Variants in STK35 observed in about 807,000 individuals in gnomAD.
The protein encoded by STK35 is serine/threonine kinase 35.
Under a neutral mutation model 37.3 loss-of-function variants are expected in STK35, and 17 were observed. The observed-to-expected ratio is 0.46, with a 90% CI of 0.31 to 0.68. STK35 has a LOEUF of 0.68. Ranked by LOEUF, STK35 falls within the 30% of genes least tolerant of loss-of-function variation. The pLI is 0.05. For synonymous variants in STK35, 385 were observed against 319.1 expected (o/e 1.21, Z -2.20); for missense variants, 595 against 746.7 (o/e 0.80, Z 2.37).
chr20:2,105,923 C>T (rs901209987), intron 2 of STK35, among the ~76,000 whole-genome samples: 1 of 152,148 alleles, frequency 6.6e-6, no homozygotes, highest in African/African-American at 2.4e-5. Flanking sequence ...TGCTTTAGGC[C>T]GTACACTGGA....
In STK35 at chr20:2,141,410, C is replaced by T. The variant is rs917307044; in HGVS notation, c.*38-2374C>T. 7.2e-5 allele frequency among the ~76,000 whole-genome samples: 11 copies of T among 152,068 alleles called. No homozygotes were observed. In the East Asian group the frequency reaches 1.7e-3, roughly 24 times the overall value. On this transcript the variant is annotated intron_variant, in intron 3 of 3. Transcript: ENST00000381482. ...AGCCACACCCACTTTCTTGGTCACCCGCTCCCTGGGCAGTAGAGCAGGGAG... is the reference window on the plus strand; with the variant it reads ...AGCCACACCCACTTTCTTGGTCACCTGCTCCCTGGGCAGTAGAGCAGGGAG...
chr20:2,134,872 CAG>C (rs1249852701), intron 3 of STK35, among the ~76,000 whole-genome samples: 11 of 152,030 alleles, frequency 7.2e-5, no homozygotes, highest in Admixed American at 7.2e-4. Flanking sequence ...GCCTGGGCAA[CAG>C]AGTGAGACTC....
Position 2,117,511 on chromosome 20 carries a change from C to G in STK35, c.*37+96C>G. Reference sequence around the variant, plus strand: ...GGTGCAGCGGGTGCAGTGGCAGGATCTCAGCTCACTGCAACCTCCACCTCC... The same window carrying G: ...GGTGCAGCGGGTGCAGTGGCAGGATGTCAGCTCACTGCAACCTCCACCTCC... On this transcript the variant is annotated intron_variant, in intron 3 of 3. Coordinates refer to ENST00000381482, the MANE Select transcript of STK35 (RefSeq NM_080836.4). This position sits in a 1 kb window ranked among gnomAD's most constrained non-coding sequence, Gnocchi z 4.4. The G allele has an allele frequency of 1.5e-6, 1 of 652,128 alleles. No individual in the cohort carries two copies. Among genetic ancestry groups the G allele is most frequent in the Non-Finnish European group, 2.5e-6 (1 of 394,464 alleles). 40.4% of individuals were successfully genotyped at this position (652,128 alleles called of 1,614,324 possible). A position where few individuals can be genotyped will look rare whatever the true frequency, so the allele number is the denominator to read the frequency against.
chr20:2,117,077 C>T lies in STK35; in HGVS notation c.1304C>T (p.Ala435Val), dbSNP rs553981514. The change falls in exon 3 of 4, where the codon GCG becomes GTG. Residue 435 changes from alanine (A) to valine (V), a missense_variant. Ala to Val is a moderately conservative substitution (Grantham distance 64). Coordinates refer to ENST00000381482, the MANE Select transcript of STK35 (RefSeq NM_080836.4). The surrounding 1 kb of genome is among the most constrained non-coding windows in gnomAD (Gnocchi z 4.4). ...TGGGAGGGACACTACACAGCCAAGGCGGACATCTTTGCCCTGGGCATTATC... is the reference window on the plus strand; with the variant it reads ...TGGGAGGGACACTACACAGCCAAGGTGGACATCTTTGCCCTGGGCATTATC... Reference protein sequence around the residue: ...EVWEGHYTAKADIFALGIIIW... With the variant: ...EVWEGHYTAKVDIFALGIIIW... The T allele has an allele frequency of 6.8e-6, 11 of 1,614,014 alleles. No homozygotes were observed. Among genetic ancestry groups the T allele is most frequent in the East Asian group, 2.2e-5 (1 of 44,864 alleles).
chr20:2,114,228 G>C (rs964901148), intron 2 of STK35, among the ~76,000 whole-genome samples: 1 of 152,048 alleles, frequency 6.6e-6, no homozygotes, highest in African/African-American at 2.4e-5. Flanking sequence ...AGAAGTCCAG[G>C]GGCCTTTCCT....
At chr20:2,134,405 T>C (rs1190527313) in intron 3 of STK35, among the ~76,000 whole-genome samples, 1 of 152,158 alleles carries the variant, frequency 6.6e-6, no homozygotes, top group Non-Finnish European at 1.5e-5. Flanking sequence ...TTTGGCCTGA[T>C]TTCCCTCAGC....
chr20:2,116,967 C>T lies in STK35; in HGVS notation c.1194C>T (p.Gly398=), dbSNP rs549465414. 7 of 1,614,158 alleles carry T rather than the reference C, an allele frequency of 4.3e-6. No individual in the cohort carries two copies. In the East Asian group the frequency reaches 1.6e-4, roughly 36 times the overall value. Residue 398 remains glycine, a synonymous_variant, in exon 3 of 4, where the codon GGC becomes GGT. Transcript: ENST00000381482. The part of the protein sequence containing the change: ...CAGLAPRGKE[G]NQDNKNVNVN... ...GGCTGGCACCCCGAGGCAAAGAGGGCAATCAAGACAACAAAAATGTGAATG... is the reference window on the plus strand; with the variant it reads ...GGCTGGCACCCCGAGGCAAAGAGGGTAATCAAGACAACAAAAATGTGAATG...
Position 2,146,382 on chromosome 20 carries a change from G to C in STK35, c.*2636G>C, listed in dbSNP as rs1051787337. Reference sequence around the variant, plus strand: ...GCTGCCAGCAGCTCTCTGGTGCATCGTCTCAACACCACCAAGTTTGTAGGA... The same window carrying C: ...GCTGCCAGCAGCTCTCTGGTGCATCCTCTCAACACCACCAAGTTTGTAGGA... On this transcript the variant is annotated 3_prime_UTR_variant, in exon 4 of 4. Transcript: ENST00000381482. 1 of 153,084 alleles carries C rather than the reference G, an allele frequency of 6.5e-6. No individual in the cohort carries two copies. The highest frequency in any genetic ancestry group is 1.5e-5 in the Non-Finnish European group (1 of 68,446). The allele number at this position is 153,084 out of a possible 1,614,324, so 9.5% of individuals were successfully genotyped here. A position where few individuals can be genotyped will look rare whatever the true frequency, so the allele number is the denominator to read the frequency against.
In STK35 at chr20:2,146,058, G is replaced by A. The variant is rs778789163; in HGVS notation, c.*2312G>A. On this transcript the variant is annotated 3_prime_UTR_variant, in exon 4 of 4. Transcript: ENST00000381482. ...ACAGGTGGGCAGCCTGGTAGGGGTC[G>A]CCAGCCTCCATGCCCCCTCATCTTC... 2.0e-5 allele frequency: 3 copies of A among 152,192 alleles called. No individual in the cohort carries two copies. Among genetic ancestry groups the A allele is most frequent in the Non-Finnish European group, 2.9e-5 (2 of 68,062 alleles). 9.4% of individuals were successfully genotyped at this position (152,192 alleles called of 1,614,324 possible).
In STK35 at chr20:2,110,001, A is replaced by C. The variant is rs569210424; in HGVS notation, c.892+6636A>C. Among the ~76,000 whole-genome samples the C allele has an allele frequency of 5.0e-4, 76 of 152,360 alleles. No individual in the cohort carries two copies. In the Middle Eastern group the frequency reaches 0.01, roughly 20 times the overall value. On this transcript the variant is annotated intron_variant, in intron 2 of 3. Transcript: ENST00000381482. The stretch of plus-strand genomic sequence containing the variant: ...CCAACAGAACAAGTCTGTTAATCTT[A>C]GGAAGTACTTTGGACACACCCTGTG...
intron 3 of STK35, among the ~76,000 whole-genome samples, chr20:2,123,219 A>C (rs1375729407): frequency 6.6e-6 from 1 of 152,206 alleles, no homozygotes; most frequent in African/African-American, 2.4e-5. Flanking sequence ...CTGCTGAAGG[A>C]AATCAGATGT....
intron 2 of STK35, among the ~76,000 whole-genome samples, chr20:2,112,081 T>A (rs575307612): frequency 6.6e-6 from 1 of 152,230 alleles, no homozygotes; most frequent in African/African-American, 2.4e-5. Flanking sequence ...TCAAGAGCAA[T>A]GTGTGCTCAG....
At chr20:2,131,488 T>A (rs1048273911) in intron 3 of STK35, among the ~76,000 whole-genome samples, 1 of 151,850 alleles carries the variant, frequency 6.6e-6, no homozygotes, top group Non-Finnish European at 1.5e-5. Flanking sequence ...TTTTTAAGAT[T>A]AAAAATGGTA....
intron 2 of STK35, among the ~76,000 whole-genome samples, chr20:2,106,403 AGT>A (rs774220210): frequency 3.3e-5 from 5 of 152,366 alleles, no homozygotes; most frequent in Admixed American, 6.5e-5. Flanking sequence ...CCTAATGCTG[AGT>A]CCCTACTGTG....
intron 3 of STK35, among the ~76,000 whole-genome samples, chr20:2,119,534 A>G (rs1446229943): frequency 2.0e-5 from 3 of 152,272 alleles, no homozygotes; most frequent in South Asian, 4.1e-4. Context: ...TGACCAGCAT[A>G]TATGCTAGGT....
chr20:2,130,586 T>C (rs967075187), intron 3 of STK35, among the ~76,000 whole-genome samples: 3 of 152,150 alleles, frequency 2.0e-5, no homozygotes, highest in South Asian at 2.1e-4. Context: ...CGCTCTCTCT[T>C]TATTTATTTA....
intron 2 of STK35, among the ~76,000 whole-genome samples, chr20:2,112,041 G>A (rs368319697): frequency 6.6e-6 from 1 of 152,218 alleles, no homozygotes; most frequent in East Asian, 1.9e-4. Flanking sequence ...GTAAGGGCAG[G>A]GATGCCCCTC....
chr20:2,137,231 G>A (rs925624232), intron 3 of STK35, among the ~76,000 whole-genome samples: 4 of 152,162 alleles, frequency 2.6e-5, no homozygotes, highest in African/African-American at 9.7e-5. Flanking sequence ...CTTTGTACCC[G>A]GCAAAGTAGA....
At chr20:2,107,809 C>T (rs71330417) in intron 2 of STK35, among the ~76,000 whole-genome samples, 11,312 of 152,178 alleles carry the variant, frequency 0.074, 622 homozygotes, top group Non-Finnish European at 0.12. Context: ...TGGCTTGGGT[C>T]TCAGAGTTTA....
Sources: allele counts gnomAD v4.1 joint callset (sites outside exome capture counted in the v4.1 genomes callset), GRCh38; gene constraint gnomAD v4.1.1; non-coding constraint Gnocchi (gnomAD v3.1); transcripts MANE v1.5; gene names NCBI Gene and HGNC (gene_info 2026-07-23, HGNC 2026-07-21).